Variants in PTPN5 observed in about 807,000 individuals in gnomAD.
PTPN5 encodes the protein protein tyrosine phosphatase non-receptor type 5, also known as tyrosine-protein phosphatase non-receptor type 5.
Under a neutral mutation model 73.9 loss-of-function variants are expected in PTPN5, and 29 were observed. That is an observed-to-expected ratio of 0.39 (90% CI 0.29 to 0.54). PTPN5 has a LOEUF of 0.54. Among genes scored for constraint, PTPN5 ranks in the 20% least tolerant of loss-of-function variants. PTPN5 has a pLI of 0.65. For synonymous variants in PTPN5, 267 were observed against 304.7 expected (o/e 0.88, Z 1.29); for missense variants, 652 against 751.4 (o/e 0.87, Z 1.55).
chr11:18,751,185 G>A (rs1486312313), intron 3 of PTPN5, among the ~76,000 whole-genome samples: 1 of 152,192 alleles, frequency 6.6e-6, no homozygotes, highest in African/African-American at 2.4e-5. Flanking sequence ...GGGAGAGGCT[G>A]GAGGTGGCTC....
At position 18,743,064 on chromosome 11, in the gene PTPN5, G is replaced by C; in HGVS notation, c.411C>G (p.Asp137Glu). ...GACTGGGGACTCCCCACGTCCCAGA[G>C]TCAAGCCAGGCCTGGGGAACATCAG... ...LKQLEPTAWL[D>E]SGTWGVPSLL... Residue 137 changes from aspartate (D) to glutamate (E), a missense_variant, in exon 6 of 15, where the codon GAC becomes GAG. Transcript: ENST00000358540. The C allele has an allele frequency of 6.4e-7, 1 of 1,550,786 alleles. No homozygotes were observed. The highest frequency in any genetic ancestry group is 8.7e-7 in the Non-Finnish European group (1 of 1,146,102).
chr11:18,761,420 A>C (rs7106657), intron 3 of PTPN5, among the ~76,000 whole-genome samples: 56,607 of 152,012 alleles, frequency 0.37, 12,192 homozygotes, highest in Admixed American at 0.54. Context: ...GAACACCTAC[A>C]CATAGAAGAA....
chr11:18,729,498 C>T lies in PTPN5; in HGVS notation c.1559G>A (p.Gly520Asp), dbSNP rs996544718. ...SICCQQLRQE[G>D]VVDILKTTCQ... ...CGTGGTCTTCAGGATGTCCACCACA[C>T]CCTCCTGCCGCAGCTGCTGGCAGCA... is the stretch of plus-strand genomic sequence containing the variant. Residue 520 changes from glycine to aspartate, a missense_variant, in exon 14 of 15, where the codon GGT becomes GAT. Physicochemically the swap from Gly to Asp is moderately conservative, Grantham distance 94. Around this residue, in one of 3 missense-constraint regions of PTPN5, gnomAD observed 102 missense variants for 160.5 expected, o/e 0.64. Coordinates refer to ENST00000358540, the MANE Select transcript of PTPN5 (RefSeq NM_006906.2). This position sits in a 1 kb window ranked among gnomAD's most constrained non-coding sequence, Gnocchi z 5.2. 1 of 1,599,636 alleles carries T rather than the reference C, an allele frequency of 6.3e-7. No homozygotes were observed. Among genetic ancestry groups the T allele is most frequent in the Admixed American group, 1.7e-5 (1 of 60,008 alleles).
intron 1 of PTPN5, among the ~76,000 whole-genome samples, chr11:18,778,460 C>G (rs1851272336): frequency 6.6e-6 from 1 of 152,174 alleles, no homozygotes; most frequent in Admixed American, 6.5e-5. Context: ...TGTCCCCACC[C>G]AAATCTCATG....
chr11:18,764,180 C>G (rs374992489), intron 3 of PTPN5, among the ~76,000 whole-genome samples: 2 of 152,178 alleles, frequency 1.3e-5, no homozygotes, highest in Non-Finnish European at 2.9e-5. Context: ...TGACGGAACA[C>G]GCATTTCTTC....
At chr11:18,766,632 C>G (rs768168595) in intron 2 of PTPN5, among the ~76,000 whole-genome samples, 8 of 152,124 alleles carry the variant, frequency 5.3e-5, no homozygotes, top group Non-Finnish European at 8.8e-5. Flanking sequence ...TCTCCTTTAC[C>G]TGGCAAGCTG....
At position 18,729,401 on chromosome 11, in the gene PTPN5, C is replaced by G. The variant is rs186378636; in HGVS notation, c.1604+52G>C. ...GCACATGTGGGTCTCTCCCTCTACC[C>G]GCTCGGGGCTCTAGCTCCCTTGTGT... On this transcript the variant is annotated intron_variant, in intron 14 of 14. Transcript: ENST00000358540. This position sits in a 1 kb window ranked among gnomAD's most constrained non-coding sequence, Gnocchi z 5.2. 3.3e-6 allele frequency: 3 copies of G among 896,540 alleles called. No homozygotes were observed. In the South Asian group the frequency reaches 4.0e-5, roughly 12 times the overall value. 55.5% of individuals were successfully genotyped at this position (896,540 alleles called of 1,614,324 possible).
At chr11:18,775,283 T>C (rs1391614861) in intron 1 of PTPN5, among the ~76,000 whole-genome samples, 1 of 152,254 alleles carries the variant, frequency 6.6e-6, no homozygotes, top group Non-Finnish European at 1.5e-5. Flanking sequence ...CAGCATATCA[T>C]GGCAGTTGCT....
chr11:18,736,430 C>G (rs1000427266), intron 9 of PTPN5, among the ~76,000 whole-genome samples: 1 of 152,238 alleles, frequency 6.6e-6, no homozygotes. Context: ...CTGACTGTAA[C>G]TGTGCATGGA....
At chr11:18,732,859 C>G (rs1848947613) in intron 11 of PTPN5, among the ~76,000 whole-genome samples, 157 bp from the exon 12 acceptor site, 1 of 152,220 alleles carries the variant, frequency 6.6e-6, no homozygotes, top group South Asian at 2.1e-4. Context: ...TAAGCTACTT[C>G]CGTTTCCTGA....
Position 18,729,473 on chromosome 11 carries a change from C to A in PTPN5, c.1584G>T (p.Thr528=). 1 of 1,564,526 alleles carries A rather than the reference C, an allele frequency of 6.4e-7. No homozygotes were observed. The highest frequency in any genetic ancestry group is 1.1e-5 in the South Asian group (1 of 90,262). Residue 528 remains threonine (T), a synonymous_variant, in exon 14 of 15, where the codon ACG becomes ACT. Coordinates refer to ENST00000358540, the MANE Select transcript of PTPN5 (RefSeq NM_006906.2). The surrounding 1 kb of genome is among the most constrained non-coding windows in gnomAD (Gnocchi z 5.2). ...CTGACCTGTCCTGACGGAGCTGGCA[C>A]GTGGTCTTCAGGATGTCCACCACAC... ...QEGVVDILKT[T]CQLRQDRGGM...
intron 8 of PTPN5, among the ~76,000 whole-genome samples, chr11:18,739,510 G>A (rs774166022): frequency 2.2e-4 from 33 of 152,322 alleles, no homozygotes; most frequent in Middle Eastern, 6.8e-3. Context: ...GGAGGCTGGG[G>A]CCACACGAGG....
intron 1 of PTPN5, among the ~76,000 whole-genome samples, chr11:18,785,244 G>C (rs561877365): frequency 6.6e-6 from 1 of 152,234 alleles, no homozygotes; most frequent in Non-Finnish European, 1.5e-5. Flanking sequence ...CATATCTCTT[G>C]AGGGTGCTTC....
intron 1 of PTPN5, among the ~76,000 whole-genome samples, chr11:18,786,837 C>G (rs1056577774): frequency 2.0e-4 from 30 of 152,206 alleles, no homozygotes; most frequent in African/African-American, 7.0e-4. Context: ...TAAATAATTT[C>G]TCCCTCCCCA....
chr11:18,753,802 G>T (rs1241410317), intron 3 of PTPN5, among the ~76,000 whole-genome samples: 1 of 152,188 alleles, frequency 6.6e-6, no homozygotes, highest in African/African-American at 2.4e-5. Context: ...TGGGCCAAGT[G>T]TTCAGGGACA....
At chr11:18,757,089 G>A (rs187385282) in intron 3 of PTPN5, among the ~76,000 whole-genome samples, 101 of 152,144 alleles carry the variant, frequency 6.6e-4, no homozygotes, top group African/African-American at 2.2e-3. Flanking sequence ...CAAAAAGGGC[G>A]GAGTCCAAAT....
At chr11:18,789,832 T>C (rs1011529779) in intron 1 of PTPN5, among the ~76,000 whole-genome samples, 7 of 152,116 alleles carry the variant, frequency 4.6e-5, no homozygotes, top group African/African-American at 1.7e-4. Context: ...AGACTACACA[T>C]TGGGTTCAGT....
intron 1 of PTPN5, 136 bp from the exon 2 acceptor site, chr11:18,772,207 C>T (rs948467016): frequency 1.9e-6 from 1 of 526,638 alleles, no homozygotes. Context: ...CCCTGCTTGC[C>T]TCTTGCTACA....
At chr11:18,777,204 C>T (rs1851199711) in intron 1 of PTPN5, among the ~76,000 whole-genome samples, 1 of 152,128 alleles carries the variant, frequency 6.6e-6, no homozygotes, top group African/African-American at 2.4e-5. Context: ...GTAGTAAACA[C>T]ATAGGCTTTG....
Sources: gnomAD v4.1 joint callset for allele counts (sites outside exome capture counted in the v4.1 genomes callset) on GRCh38, gnomAD v4.1.1 for gene constraint, gnomAD v4.1.1 regional missense constraint, Gnocchi (gnomAD v3.1) non-coding constraint, MANE v1.5 for transcripts, NCBI Gene and HGNC (gene_info 2026-07-23, HGNC 2026-07-21) for gene names.